The following RBM6 variants were observed in gnomAD, a reference collection of about 807,000 sequenced individuals.
RBM6 encodes the protein RNA-binding protein 6.
In RBM6, 23 loss-of-function variants were observed where a neutral mutation model predicts 140.4. The ratio of observed to expected loss-of-function variants is 0.16; its 90% CI spans 0.12 to 0.23. RBM6 has a LOEUF of 0.23. Among genes scored for constraint, RBM6 ranks in the 10% least tolerant of loss-of-function variants. RBM6 has a pLI of 1.00. For synonymous variants in RBM6, 439 were observed against 475.6 expected, an observed-to-expected ratio of 0.92 and a Z score of 1.00; for missense variants, 1,139 against 1,386.7, an observed-to-expected ratio of 0.82 and a Z score of 2.84.
intron 20 of RBM6, among the ~76,000 whole-genome samples, 154 bp downstream of exon 20, chr3:50,075,484 G>T (rs2090433626): frequency 6.6e-6 from 1 of 152,182 alleles, no homozygotes; most frequent in Non-Finnish European, 1.5e-5. Context: ...TTGAATACTG[G>T]GTTATAGCTT....
chr3:50,061,470 G>T lies in RBM6; in HGVS notation c.2362G>T (p.Asp788Tyr). Residue 788 changes from aspartate (D) to tyrosine (Y), a missense_variant, in exon 14 of 21, where the codon GAC (aspartate) becomes TAC (tyrosine). This residue lies in a region of RBM6 where 163 missense variants were observed against 182.8 expected (regional missense o/e 0.89). Coordinates refer to ENST00000266022, the MANE Select transcript of RBM6 (RefSeq NM_005777.3). ...TNRQGQQSSS[D>Y]CYIYDSATGY... ...GATCTTGTTACCTTTAGCATCATCT[G>T]ACTGCTACATATATGATTCTGCTAC... 6.2e-7 allele frequency: 1 copy of T among 1,602,728 alleles called. No homozygotes were observed. The highest frequency in any genetic ancestry group is 1.1e-5 in the South Asian group (1 of 88,404).
intron 17 of RBM6, among the ~76,000 whole-genome samples, chr3:50,066,911 C>T (rs1437617076): frequency 1.3e-5 from 2 of 149,220 alleles, no homozygotes; most frequent in Non-Finnish European, 3.0e-5. Context: ...TAGGCCGGGC[C>T]TAGTGGTTTA....
chr3:50,013,941 C>T (rs1247290511), intron 6 of RBM6, among the ~76,000 whole-genome samples: 2 of 152,126 alleles, frequency 1.3e-5, no homozygotes, highest in Admixed American at 1.3e-4. Flanking sequence ...GGAGAGGGTG[C>T]TACTGGTATC....
At chr3:50,015,188 C>G (rs2087062375) in intron 6 of RBM6, among the ~76,000 whole-genome samples, 1 of 149,932 alleles carries the variant, frequency 6.7e-6, no homozygotes, top group Non-Finnish European at 1.5e-5. Context: ...CTCACTGCAA[C>G]CCCCCGCCTG....
intron 6 of RBM6, among the ~76,000 whole-genome samples, chr3:50,006,843 G>C (rs1401522641): frequency 6.6e-6 from 1 of 151,330 alleles, no homozygotes; most frequent in African/African-American, 2.4e-5. Context: ...TGAGGCAGGA[G>C]AATGGCGTGA....
intron 6 of RBM6, among the ~76,000 whole-genome samples, chr3:50,004,780 G>A (rs754765075): frequency 2.1e-4 from 32 of 151,892 alleles, no homozygotes; most frequent in Non-Finnish European, 3.7e-4. Context: ...CACCATGTTC[G>A]GCTAATTAAA....
Position 49,967,359 on chromosome 3 carries a change from C to T in RBM6, c.45-111C>T. Reference sequence around the variant, plus strand: ...TCTAGGACCTTGTTACAGAACTCTGCCAAAAAAAAAATGTTTACAGAAGAA... The same window carrying T: ...TCTAGGACCTTGTTACAGAACTCTGTCAAAAAAAAAATGTTTACAGAAGAA... On this transcript the variant is annotated intron_variant, in intron 2 of 20. Transcript: ENST00000266022. The surrounding 1 kb of genome is among the most constrained non-coding windows in gnomAD (Gnocchi z 4.0). 6.7e-7 allele frequency: 1 copy of T among 1,497,902 alleles called. No homozygotes were observed. Among genetic ancestry groups the T allele is most frequent in the Non-Finnish European group, 8.9e-7 (1 of 1,126,966 alleles). The allele number at this position is 1,497,902 out of a possible 1,614,324, so 92.8% of individuals were successfully genotyped here.
At chr3:50,058,667 C>A in intron 10 of RBM6, 105 bp downstream of exon 10, 2 of 1,244,846 alleles carry the variant, frequency 1.6e-6, no homozygotes, top group Non-Finnish European at 2.2e-6. Context: ...GTAATCCCAG[C>A]ACTTTGGGAG....
At chr3:49,982,707 C>T (rs1311117341) in intron 5 of RBM6, among the ~76,000 whole-genome samples, 6 of 150,758 alleles carry the variant, frequency 4.0e-5, no homozygotes, top group Non-Finnish European at 7.4e-5. Flanking sequence ...TGTGAGCCAC[C>T]GTGTCTGGCC....
chr3:50,038,615 A>G (rs537640712), intron 6 of RBM6, among the ~76,000 whole-genome samples: 2 of 152,184 alleles, frequency 1.3e-5, no homozygotes, highest in African/African-American at 4.8e-5. Flanking sequence ...GCGGATCATG[A>G]GGTCCGGAGA....
intron 5 of RBM6, chr3:49,981,520 A>C (rs958354340): frequency 6.6e-6 from 1 of 152,222 alleles, no homozygotes; most frequent in Non-Finnish European, 1.5e-5. Context: ...ATAGTTTAAA[A>C]GTGACTTAAT....
chr3:49,955,860 CTGTGTGTG>C (rs146300035), intron 1 of RBM6, among the ~76,000 whole-genome samples: 9 of 145,476 alleles, frequency 6.2e-5, no homozygotes, highest in African/African-American at 1.0e-4. Flanking sequence ...CTCTCTCTCT[CTGTGTGTG>C]TGTGTGTGTG....
intron 2 of RBM6, among the ~76,000 whole-genome samples, chr3:49,965,929 C>G (rs1374581249): frequency 1.3e-5 from 2 of 152,050 alleles, no homozygotes; most frequent in Non-Finnish European, 2.9e-5. Flanking sequence ...AGTTCAAGAC[C>G]AGCCTGGGCA....
chr3:49,957,814 C>T (rs2084067206), intron 1 of RBM6, among the ~76,000 whole-genome samples: 1 of 150,090 alleles, frequency 6.7e-6, no homozygotes, highest in African/African-American at 2.4e-5. Context: ...CTGTATTTGC[C>T]TTTACCAGAG....
chr3:50,054,071 C>T (rs2089600313), intron 7 of RBM6: 2 of 378,496 alleles, frequency 5.3e-6, no homozygotes, highest in Non-Finnish European at 9.5e-6. Context: ...GGCATATTTC[C>T]TATAGGAATC....
chr3:49,973,184 A>G (rs1442423936), intron 4 of RBM6, among the ~76,000 whole-genome samples: 3 of 151,998 alleles, frequency 2.0e-5, no homozygotes, highest in Non-Finnish European at 4.4e-5. Flanking sequence ...GCTGGAGTGC[A>G]GTGGCACAAT....
At chr3:50,048,852 G>C (rs2089336939) in intron 7 of RBM6, among the ~76,000 whole-genome samples, 1 of 152,254 alleles carries the variant, frequency 6.6e-6, no homozygotes, top group East Asian at 1.9e-4. Context: ...GCCCAGGCTA[G>C]AGTGCAATGG....
At chr3:49,955,860 C>CTCTCTG (rs1553637396) in intron 1 of RBM6, among the ~76,000 whole-genome samples, 25,632 of 144,874 alleles carry the variant, frequency 0.18, 2,400 homozygotes, top group Middle Eastern at 0.22. Context: ...CTCTCTCTCT[C>CTCTCTG]TGTGTGTGTG....
At chr3:50,061,720 T>C in intron 14 of RBM6, 173 bp downstream of exon 14, 2 of 1,412,822 alleles carry the variant, frequency 1.4e-6, no homozygotes, top group Non-Finnish European at 9.3e-7. Context: ...GTTGCCTATA[T>C]GGAAAATCAG....
Sources: gnomAD v4.1 joint callset for allele counts (sites outside exome capture counted in the v4.1 genomes callset) on GRCh38, gnomAD v4.1.1 for gene constraint, gnomAD v4.1.1 regional missense constraint, Gnocchi (gnomAD v3.1) non-coding constraint, MANE v1.5 for transcripts, NCBI Gene and HGNC (gene_info 2026-07-23, HGNC 2026-07-21) for gene names.